GCN1: variants seen among roughly 807,000 people sequenced by gnomAD.
GCN1 encodes stalled ribosome sensor GCN1.
Under a neutral mutation model 288.4 loss-of-function variants are expected in GCN1, and 90 were observed. That is an observed-to-expected ratio of 0.31 (90% CI 0.26 to 0.37). The LOEUF (loss-of-function observed/expected upper bound fraction) is 0.37, where lower values mean the gene tolerates loss of function less well. GCN1 is among the 10% of genes least tolerant of loss of function. The probability of loss-of-function intolerance (pLI) is 1.00; values close to 1 mark genes in which losing one functional copy is unlikely to be tolerated. For synonymous variants in GCN1, 1,386 were observed against 1,420.2 expected (o/e 0.98, Z 0.54); for missense variants, 2,586 against 3,419.9 (o/e 0.76, Z 6.08).
At chr12:120,136,796 C>T in intron 50 of GCN1, 64 bp from the exon 51 acceptor site, 1 of 1,216,236 alleles carries the variant, frequency 8.2e-7, no homozygotes, top group Non-Finnish European at 1.2e-6. Context: ...GTCTCCCATG[C>T]AAGCAAAGTG....
At chr12:120,159,730 C>T in intron 24 of GCN1, 95 bp downstream of exon 24, 2 of 1,076,266 alleles carry the variant, frequency 1.9e-6, no homozygotes, top group Non-Finnish European at 2.9e-6. Flanking sequence ...GCTGAGGTCA[C>T]CACCCACCTC....
intron 7 of GCN1, among the ~76,000 whole-genome samples, chr12:120,178,194 G>A (rs1459261564): frequency 6.6e-6 from 1 of 152,112 alleles, no homozygotes; most frequent in Non-Finnish European, 1.5e-5. Flanking sequence ...CTTCCGTTGT[G>A]GAGTCTCACG....
chr12:120,170,053 T>G (rs955470997), intron 15 of GCN1, 116 bp downstream of exon 15: 5 of 867,656 alleles, frequency 5.8e-6, no homozygotes, highest in Non-Finnish European at 9.3e-6. Context: ...CAAGCAAACC[T>G]GTGGCTGATC....
In GCN1 at chr12:120,142,414, T is replaced by A. The variant is rs1003766005; in HGVS notation, c.5829+93A>T. Reference sequence around the variant, plus strand: ...ATGTCCCTCTGTTAGGCAGGGTGGATGGGTACTTTCCCAGGCTCTGCAGAC... The same window carrying A: ...ATGTCCCTCTGTTAGGCAGGGTGGAAGGGTACTTTCCCAGGCTCTGCAGAC... On this transcript the variant is annotated intron_variant, in intron 44 of 57. Coordinates refer to ENST00000300648, the MANE Select transcript of GCN1 (RefSeq NM_006836.2). The surrounding 1 kb of genome is among the most constrained non-coding windows in gnomAD (Gnocchi z 4.9). The A allele has an allele frequency of 2.8e-5, 23 of 820,214 alleles. No homozygotes were observed. The highest frequency in any genetic ancestry group is 4.7e-5 in the Non-Finnish European group (22 of 471,176). 50.8% of individuals were successfully genotyped at this position (820,214 alleles called of 1,614,324 possible).
intron 1 of GCN1, among the ~76,000 whole-genome samples, chr12:120,191,171 G>A (rs138823408): frequency 6.9e-4 from 105 of 152,344 alleles, no homozygotes; most frequent in African/African-American, 2.5e-3. Context: ...CCATTTTATA[G>A]GCGATGAAGA....
intron 15 of GCN1, 53 bp from the exon 16 acceptor site, chr12:120,168,353 C>T: frequency 9.4e-7 from 1 of 1,065,528 alleles, no homozygotes; most frequent in Non-Finnish European, 1.5e-6. Flanking sequence ...TCCCCCAGAG[C>T]TGATCTACTC....
rs1283511981 is a variant in GCN1, at chr12:120,142,587, G to C, written c.5749C>G (p.Arg1917Gly). The change falls in exon 44 of 58, where the codon CGC (arginine) becomes GGC (glycine). Residue 1917 changes from arginine (R) to glycine (G), a missense_variant. Transcript: ENST00000300648. This position sits in a 1 kb window ranked among gnomAD's most constrained non-coding sequence, Gnocchi z 4.9. ...GTGGGTAGGATCTCACGCAAGGTGC[G>C]GGGGGTATTGGAGACAACAATCTTC... ...VWKIVVSNTP[R>G]TLREILPTLF... is the part of the protein sequence containing the mutation. 4 of 1,613,600 alleles carry C rather than the reference G, an allele frequency of 2.5e-6. No individual in the cohort carries two copies. Among genetic ancestry groups the C allele is most frequent in the Non-Finnish European group, 2.5e-6 (3 of 1,179,670 alleles).
chr12:120,134,824 C>T lies in GCN1; in HGVS notation c.7009-98G>A. On this transcript the variant is annotated intron_variant, in intron 51 of 57. Coordinates refer to ENST00000300648, the MANE Select transcript of GCN1 (RefSeq NM_006836.2). The surrounding 1 kb of genome is among the most constrained non-coding windows in gnomAD (Gnocchi z 5.0). ...AACAAATGACAATCCCAAACCACCA[C>T]AGCGAGTCCAGCTCTCATACAGGGC... 1.0e-6 allele frequency: 1 copy of T among 980,280 alleles called. No homozygotes were observed. Among genetic ancestry groups the T allele is most frequent in the Non-Finnish European group, 1.6e-6 (1 of 631,118 alleles). The allele number at this position is 980,280 out of a possible 1,614,324, so 60.7% of individuals were successfully genotyped here. A position where few individuals can be genotyped will look rare whatever the true frequency, so the allele number is the denominator to read the frequency against.
chr12:120,128,838 T>C (rs1435175132), intron 57 of GCN1, among the ~76,000 whole-genome samples: 1 of 69,978 alleles, frequency 1.4e-5, no homozygotes, highest in African/African-American at 1.1e-4. Context: ...CACCCAAATC[T>C]TTTTTTTTTT....
In GCN1 at chr12:120,137,466, A is replaced by T. The variant is rs1877046154; in HGVS notation, c.6663+79T>A. On this transcript the variant is annotated intron_variant, in intron 49 of 57. Transcript: ENST00000300648. This position sits in a 1 kb window ranked among gnomAD's most constrained non-coding sequence, Gnocchi z 5.2. ...AAGCTGAGTGACAGGTACGTGGGGG[A>T]TTCTTATAAGTCTATTCCTGTAAAT... 1.3e-6 allele frequency: 2 copies of T among 1,512,236 alleles called. No individual in the cohort carries two copies. Among genetic ancestry groups the T allele is most frequent in the Non-Finnish European group, 1.8e-6 (2 of 1,095,180 alleles). The allele number at this position is 1,512,236 out of a possible 1,614,324, so 93.7% of individuals were successfully genotyped here. A position where few individuals can be genotyped will look rare whatever the true frequency, so the allele number is the denominator to read the frequency against.
chr12:120,193,465 G>A (rs140850151), intron 1 of GCN1, among the ~76,000 whole-genome samples: 112 of 152,156 alleles, frequency 7.4e-4, no homozygotes, highest in African/African-American at 2.0e-3. Flanking sequence ...CACCATACCC[G>A]GTTAATTTTT....
intron 45 of GCN1, 153 bp from the exon 46 acceptor site, chr12:120,139,009 T>TA (rs67609099): frequency 0.083 from 50,296 of 607,896 alleles, 3,179 homozygotes; most frequent in East Asian, 0.34. Flanking sequence ...TACTGTGAAA[T>TA]AAAAAAAAGG....
At position 120,141,015 on chromosome 12, in the gene GCN1, C is replaced by T. The variant is rs1877173494; in HGVS notation, c.5838G>A (p.Ala1946=). 3.1e-6 allele frequency: 5 copies of T among 1,612,550 alleles called. No homozygotes were observed. The highest frequency in any genetic ancestry group is 1.1e-5 in the South Asian group (1 of 90,856). Residue 1946 remains alanine, a synonymous_variant, in exon 45 of 58, where the codon GCG becomes GCA. Transcript: ENST00000300648. ...TCCGCACAAGATCTCCCAATGTTCT[C>T]GCTGCAATCTGTCAACAGAGACCAA... ...STCADKRTIA[A]RTLGDLVRKL...
chr12:120,165,715 C>T (rs939232114), intron 16 of GCN1, among the ~76,000 whole-genome samples: 4 of 151,930 alleles, frequency 2.6e-5, no homozygotes, highest in African/African-American at 9.7e-5. Flanking sequence ...CTCAAGTGAT[C>T]AGTCCACTTC....
intron 9 of GCN1, among the ~76,000 whole-genome samples, chr12:120,177,043 G>A (rs1878501640): frequency 6.6e-6 from 1 of 152,198 alleles, no homozygotes; most frequent in Admixed American, 6.5e-5. Context: ...CGGGATTACA[G>A]GCATGAGCCA....
rs1877812572 is a variant in GCN1, at chr12:120,158,146, C to G, written c.2906-116G>C. ...CGGATGGACCAGAGGCCCGTTCTGA[C>G]ACCTGGAAGCACATGGCACGAGGAC... is the stretch of plus-strand genomic sequence containing the variant. On this transcript the variant is annotated intron_variant, in intron 25 of 57. Transcript: ENST00000300648. This position sits in a 1 kb window ranked among gnomAD's most constrained non-coding sequence, Gnocchi z 4.3. 2 of 945,886 alleles carry G rather than the reference C, an allele frequency of 2.1e-6. No individual in the cohort carries two copies. Among genetic ancestry groups the G allele is most frequent in the Non-Finnish European group, 3.2e-6 (2 of 631,428 alleles). 58.6% of individuals were successfully genotyped at this position (945,886 alleles called of 1,614,324 possible). A position where few individuals can be genotyped will look rare whatever the true frequency, so the allele number is the denominator to read the frequency against.
intron 56 of GCN1, among the ~76,000 whole-genome samples, 161 bp from the exon 57 acceptor site, chr12:120,129,655 C>G (rs1184444730): frequency 6.6e-6 from 1 of 152,174 alleles, no homozygotes; most frequent in Non-Finnish European, 1.5e-5. Context: ...TTCCTGCACC[C>G]TCATCTCATG....
At chr12:120,135,196 C>G (rs896897509) in intron 51 of GCN1, among the ~76,000 whole-genome samples, 3 of 152,230 alleles carry the variant, frequency 2.0e-5, no homozygotes, top group Non-Finnish European at 4.4e-5. Context: ...ACTCCACATT[C>G]AGCCCTCAGA....
Position 120,136,697 on chromosome 12 carries a change from T to A in GCN1, c.6813A>T (p.Gly2271=). ...VTSILPVLRE[G]VLTGSPEQKE... ...TCTGCTCAGGGCTGCCAGTCAGGAC[T>A]CCTTCCCGCAACACTGGAAGGATGG... The change falls in exon 51 of 58, where the codon GGA becomes GGT. Residue 2271 remains glycine (G), a synonymous_variant. Coordinates refer to ENST00000300648, the MANE Select transcript of GCN1 (RefSeq NM_006836.2). 3 of 1,613,880 alleles carry A rather than the reference T, an allele frequency of 1.9e-6. No individual in the cohort carries two copies. The highest frequency in any genetic ancestry group is 1.7e-5 in the Admixed American group (1 of 60,020).
Sources: gnomAD v4.1 joint callset for allele counts (sites outside exome capture counted in the v4.1 genomes callset) on GRCh38, gnomAD v4.1.1 for gene constraint, Gnocchi (gnomAD v3.1) non-coding constraint, MANE v1.5 for transcripts, NCBI Gene and HGNC (gene_info 2026-07-23, HGNC 2026-07-21) for gene names.